MYH4: variants seen among roughly 807,000 people sequenced by gnomAD.
MYH4 encodes the protein myosin heavy chain 4, also known as myosin-4.
In MYH4, 200 loss-of-function variants were observed where a neutral mutation model predicts 229.9. The ratio of observed to expected loss-of-function variants is 0.87; its 90% CI spans 0.78 to 0.98. The LOEUF is 0.98. Among genes scored for constraint, MYH4 ranks in the 50% least tolerant of loss-of-function variants. The pLI is 0.00. For synonymous variants in MYH4, 761 were observed against 834.6 expected, an observed-to-expected ratio of 0.91 and a Z score of 1.52; for missense variants, 2,148 against 2,332.6, an observed-to-expected ratio of 0.92 and a Z score of 1.63.
intron 30 of MYH4, among the ~76,000 whole-genome samples, chr17:10,449,714 G>A (rs1051420163): frequency 6.6e-6 from 1 of 152,098 alleles, no homozygotes; most frequent in Non-Finnish European, 1.5e-5. Context: ...AAATATTACT[G>A]CATTATTGCA....
Position 10,459,270 on chromosome 17 carries a change from C to T in MYH4, c.1568G>A (p.Cys523Tyr). The T allele has an allele frequency of 3.7e-6, 6 of 1,614,044 alleles. No homozygotes were observed. The highest frequency in any genetic ancestry group is 5.1e-6 in the Non-Finnish European group (6 of 1,179,978). The change falls in exon 15 of 40, where the codon TGC becomes TAC. Residue 523 changes from cysteine (C) to tyrosine (Y), a missense_variant. Cys to Tyr is a radical substitution (Grantham distance 194). Transcript: ENST00000255381. Reference sequence around the variant, plus strand: ...ATGAACCTTCTCGATGAGCTCGATGCAGGCAGCCAGGTCCATCCCGAAGTC... The same window carrying T: ...ATGAACCTTCTCGATGAGCTCGATGTAGGCAGCCAGGTCCATCCCGAAGTC... ...FIDFGMDLAA[C>Y]IELIEKPMGI...
At position 10,453,153 on chromosome 17, in the gene MYH4, T is replaced by C. The variant is rs2072596959; in HGVS notation, c.3110A>G (p.Asp1037Gly). The C allele has an allele frequency of 6.2e-7, 1 of 1,614,020 alleles. No homozygotes were observed. Among genetic ancestry groups the C allele is most frequent in the South Asian group, 1.1e-5 (1 of 91,088 alleles). Residue 1037 changes from aspartate to glycine, a missense_variant and splice_region_variant, in exon 24 of 40, where the codon GAT becomes GGT. By Grantham distance (94) the Asp-to-Gly change is moderately conservative. Coordinates refer to ENST00000255381, the MANE Select transcript of MYH4 (RefSeq NM_017533.2). ...AAACATTTTCTTTTTCACACTTACA[T>C]CGTCCACTTGCTGTTCTAGCTTGGT... ...AKTKLEQQVDDLEGSLEQEKK... is the reference protein window; with the variant it reads ...AKTKLEQQVDGLEGSLEQEKK...
Position 10,463,626 on chromosome 17 carries a change from T to C in MYH4, c.666A>G (p.Gln222=), listed in dbSNP as rs139758152. 1.1e-5 allele frequency: 17 copies of C among 1,610,122 alleles called. No homozygotes were observed. The highest frequency in any genetic ancestry group is 1.4e-5 in the Non-Finnish European group (16 of 1,178,696). Residue 222 remains glutamine (Q), a synonymous_variant, in exon 8 of 40, where the codon CAA becomes CAG. Coordinates refer to ENST00000255381, the MANE Select transcript of MYH4 (RefSeq NM_017533.2). ...CCAGTAGGGGGTTAGCACTGATGAT[T>C]TGATCTTCAAGGGTCCCCTTAAGAG... ...SGKMQGTLED[Q]IISANPLLEA...
Position 10,452,020 on chromosome 17 carries a change from T to C in MYH4, c.3659A>G (p.Lys1220Arg), listed in dbSNP as rs770839097. 5.0e-6 allele frequency: 8 copies of C among 1,613,866 alleles called. No homozygotes were observed. The highest frequency in any genetic ancestry group is 5.9e-6 in the Non-Finnish European group (7 of 1,179,890). Residue 1220 changes from lysine (K) to arginine (R), a missense_variant, in exon 27 of 40, where the codon AAG (lysine) becomes AGG (arginine). Coordinates refer to ENST00000255381, the MANE Select transcript of MYH4 (RefSeq NM_017533.2). ...QIDSLQRVKQ[K>R]LEKEKSELKM... The stretch of plus-strand genomic sequence containing the variant: ...CAGCTCACTCTTTTCCTTCTCCAGC[T>C]TCTGCTTGACCCGCTGAAGGCTGTC...
rs534144806 is a variant in MYH4 at position 10,461,910 on chromosome 17, T to C, written c.1009-856A>G. 1.1e-4 allele frequency among the ~76,000 whole-genome samples: 16 copies of C among 152,284 alleles called. No individual in the cohort carries two copies. The East Asian group carries it at 2.3e-3, about 22-fold the overall frequency. ...ACTTCCAGCTCACTAACTCTACCTA[T>C]TTACAGAAACTAGACATTATTACGG... On this transcript the variant is annotated intron_variant, in intron 11 of 39. Transcript: ENST00000255381.
intron 15 of MYH4, among the ~76,000 whole-genome samples, chr17:10,458,465 G>A (rs781219597): frequency 1.3e-5 from 2 of 152,110 alleles, no homozygotes; most frequent in Admixed American, 6.6e-5. Flanking sequence ...TCCCCAAATT[G>A]TGCAGACCTA....
chr17:10,463,533 G>A lies in MYH4; in HGVS notation c.741+18C>T, dbSNP rs1216722540. 1 of 1,604,324 alleles carries A rather than the reference G, an allele frequency of 6.2e-7. No individual in the cohort carries two copies. The highest frequency in any genetic ancestry group is 1.1e-5 in the South Asian group (1 of 90,692). On this transcript the variant is annotated intron_variant, in intron 8 of 39. Transcript: ENST00000255381. ...AATCAGTGCTGATCCTCAAGAAAAT[G>A]AAGATCAAGAGACTTACAAAGCGAG...
At position 10,452,266 on chromosome 17, in the gene MYH4, T is replaced by A; in HGVS notation, c.3413A>T (p.Lys1138Met). 3.1e-6 allele frequency: 5 copies of A among 1,613,958 alleles called. No homozygotes were observed. Among genetic ancestry groups the A allele is most frequent in the Non-Finnish European group, 4.2e-6 (5 of 1,180,030 alleles). The change falls in exon 27 of 40, where the codon AAG becomes ATG. Residue 1138 changes from lysine (K) to methionine (M), a missense_variant. Physicochemically the swap from Lys to Met is moderately conservative, Grantham distance 95. Coordinates refer to ENST00000255381, the MANE Select transcript of MYH4 (RefSeq NM_017533.2). Reference sequence around the variant, plus strand: ...CTCCCGGGAGAGGTCAGAGCGCTGCTTCTCTGCTTTGGCCCGGGAGGCCCG... The same window carrying A: ...CTCCCGGGAGAGGTCAGAGCGCTGCATCTCTGCTTTGGCCCGGGAGGCCCG... ...AERASRAKAEKQRSDLSRELE... is the reference protein window; with the variant it reads ...AERASRAKAEMQRSDLSRELE...
intron 7 of MYH4, among the ~76,000 whole-genome samples, chr17:10,464,037 G>C (rs543544391): frequency 6.6e-6 from 1 of 152,262 alleles, no homozygotes; most frequent in African/African-American, 2.4e-5. Flanking sequence ...TTGGATTCAG[G>C]GGATACATGT....
chr17:10,451,890 C>G (rs1372009263), intron 27 of MYH4, 51 bp downstream of exon 27: 2 of 1,544,944 alleles, frequency 1.3e-6, no homozygotes, highest in African/African-American at 2.8e-5. Context: ...TAAACTTGGT[C>G]ATTTTGAATT....
chr17:10,462,567 A>G (rs770789903), intron 11 of MYH4, among the ~76,000 whole-genome samples: 10 of 152,238 alleles, frequency 6.6e-5, no homozygotes, highest in Non-Finnish European at 1.0e-4. Flanking sequence ...GCAGAGAAAC[A>G]TTAATATTGG....
rs112636796 is a variant in MYH4 at position 10,447,208 on chromosome 17, C to T, written c.4974G>A (p.Gln1658=). ...CTCTGATGGCATCATCCAAATGTAG[C>T]TGAGTGTCCTACACAGAAAGAGAAA... The part of the protein sequence containing the change: ...RNTQGILKDT[Q]LHLDDAIRGQ... Residue 1658 remains glutamine, a synonymous_variant, in exon 35 of 40, where the codon CAG becomes CAA. Transcript: ENST00000255381. The T allele has an allele frequency of 5.6e-6, 9 of 1,614,048 alleles. No individual in the cohort carries two copies. In the East Asian group the frequency reaches 1.6e-4, roughly 28 times the overall value.
chr17:10,444,088 G>C (rs1269139995), intron 39 of MYH4, among the ~76,000 whole-genome samples: 5 of 152,114 alleles, frequency 3.3e-5, no homozygotes. Flanking sequence ...ATAACTGGAA[G>C]AACAAAGTAG....
intron 16 of MYH4, among the ~76,000 whole-genome samples, chr17:10,456,902 C>T (rs1473722119): frequency 6.6e-6 from 1 of 152,240 alleles, no homozygotes; most frequent in Non-Finnish European, 1.5e-5. Flanking sequence ...GCAGGCCTCA[C>T]TTGGACAACA....
chr17:10,456,650 A>C (rs1202000948), intron 16 of MYH4, 95 bp from the exon 17 acceptor site: 1 of 912,364 alleles, frequency 1.1e-6, no homozygotes, highest in African/African-American at 1.6e-5. Flanking sequence ...TTTAGAATTT[A>C]AATTTGCACT....
In MYH4 at chr17:10,464,680, C is replaced by G. The variant is rs760024448; in HGVS notation, c.533+1G>C. 23 of 1,613,568 alleles carry G rather than the reference C, an allele frequency of 1.4e-5. No individual in the cohort carries two copies. The East Asian group carries it at 3.3e-4, about 23-fold the overall frequency. ...GAAAGAAAGTAACGAAATCTACATA[C>G]GTAATCAAGATTGACTGGTTTTCAC... On this transcript the variant is annotated splice_donor_variant, in intron 6 of 39. Coordinates refer to ENST00000255381, the MANE Select transcript of MYH4 (RefSeq NM_017533.2). LOFTEE classifies it high-confidence loss of function.
At chr17:10,448,836 C>T in intron 31 of MYH4, 28 bp downstream of exon 31, 2 of 1,613,152 alleles carry the variant, frequency 1.2e-6, no homozygotes, top group South Asian at 1.1e-5. Context: ...GTCAGTTTCC[C>T]CCAAGGGGAG....
At chr17:10,461,600 T>G (rs2072703281) in intron 11 of MYH4, among the ~76,000 whole-genome samples, 1 of 152,206 alleles carries the variant, frequency 6.6e-6, no homozygotes, top group Non-Finnish European at 1.5e-5. Flanking sequence ...CATGCCTCTC[T>G]GATAGCAAGC....
intron 11 of MYH4, among the ~76,000 whole-genome samples, chr17:10,461,979 C>G (rs1035293524): frequency 6.6e-6 from 1 of 152,040 alleles, no homozygotes. Context: ...CCTCGCAGAC[C>G]AGGGTGTGTT....
Sources: allele counts gnomAD v4.1 joint callset (sites outside exome capture counted in the v4.1 genomes callset), GRCh38; gene constraint gnomAD v4.1.1; transcripts MANE v1.5; gene names NCBI Gene and HGNC (gene_info 2026-07-23, HGNC 2026-07-21).